PCDHA11: variants seen among roughly 807,000 people sequenced by gnomAD.
PCDHA11 encodes protocadherin alpha-11.
Under a neutral mutation model 70.3 loss-of-function variants are expected in PCDHA11, and 61 were observed. The ratio of observed to expected loss-of-function variants is 0.87; its 90% CI spans 0.71 to 1.07. The LOEUF (loss-of-function observed/expected upper bound fraction) is 1.07, where lower values mean the gene tolerates loss of function less well. PCDHA11 is among the 50% of genes least tolerant of loss of function. The probability of loss-of-function intolerance (pLI) is 0.00; values close to 1 mark genes in which losing one functional copy is unlikely to be tolerated. For missense variants in PCDHA11, 1,324 were observed against 1,237.5 expected, an observed-to-expected ratio of 1.07 and a Z score of -1.05; for synonymous variants, 633 against 555.1, an observed-to-expected ratio of 1.14 and a Z score of -1.97.
At position 140,870,490 on chromosome 5, in the gene PCDHA11, G is replaced by A. The variant is rs372818492; in HGVS notation, c.1387G>A (p.Val463Met). ...AFAQPEYTVF[V>M]KENNPPGCHI... ...CGCACAGCCCGAGTACACCGTGTTC[G>A]TGAAGGAGAACAACCCACCAGGCTG... The change falls in exon 1 of 4, where the codon GTG (valine) becomes ATG (methionine). Residue 463 changes from valine (V) to methionine (M), a missense_variant. Physicochemically the swap from Val to Met is conservative, Grantham distance 21. Coordinates refer to ENST00000398640, the MANE Select transcript of PCDHA11 (RefSeq NM_018902.5). 126 of 1,614,116 alleles carry A rather than the reference G, an allele frequency of 7.8e-5. No individual in the cohort carries two copies. Among genetic ancestry groups the A allele is most frequent in the Non-Finnish European group, 1.1e-4 (124 of 1,180,060 alleles).
chr5:141,007,158 A>C (rs1231758700), intron 3 of PCDHA11, among the ~76,000 whole-genome samples: 1 of 152,198 alleles, frequency 6.6e-6, no homozygotes, highest in African/African-American at 2.4e-5. Context: ...CTGTCAAAGA[A>C]CAGTCAGAGA....
rs782305059 is a variant in PCDHA11, at chr5:140,870,614, C to A, written c.1511C>A (p.Ser504Ter). The A allele has an allele frequency of 6.2e-7, 1 of 1,613,212 alleles. No homozygotes were observed. The highest frequency in any genetic ancestry group is 1.1e-5 in the South Asian group (1 of 91,062). Residue 504 changes from serine to a stop codon, truncating the protein, a stop_gained, in exon 1 of 4, where the codon TCG (serine) becomes TAG (stop). Coordinates refer to ENST00000398640, the MANE Select transcript of PCDHA11 (RefSeq NM_018902.5). LOFTEE classifies it high-confidence loss of function. ...VERRLGDRAL[S>*]SYVSVHAESG... ...CGGCGGTTGGGCGACCGCGCGCTGT[C>A]GAGCTACGTGTCGGTGCACGCGGAG...
Position 140,929,475 on chromosome 5 carries a change from G to A in PCDHA11, c.2392-49474G>A, listed in dbSNP as rs1554207114. ...ACTTCCTGTGCCAAGAAATCTGGAA[G>A]TATAGAAGTATTAGAAGATTGCCCT... is the stretch of plus-strand genomic sequence containing the variant. On this transcript the variant is annotated intron_variant, in intron 1 of 3. Transcript: ENST00000398640. The A allele has an allele frequency of 4.0e-6, 5 of 1,251,128 alleles. No individual in the cohort carries two copies. The Middle Eastern group carries it at 8.1e-4, about 202-fold the overall frequency. The allele number at this position is 1,251,128 out of a possible 1,614,324, so 77.5% of individuals were successfully genotyped here. A position where few individuals can be genotyped will look rare whatever the true frequency, so the allele number is the denominator to read the frequency against.
chr5:140,875,891 T>C (rs781902632), intron 1 of PCDHA11: 3 of 1,614,008 alleles, frequency 1.9e-6, no homozygotes, highest in Non-Finnish European at 2.5e-6. Context: ...GAACAAAAGG[T>C]ACCTGTTTCT....
At chr5:140,883,280 G>T (rs2059527753) in intron 1 of PCDHA11, 1 of 1,613,990 alleles carries the variant, frequency 6.2e-7, no homozygotes, top group Non-Finnish European at 8.5e-7. Flanking sequence ...TACCCTTTTG[G>T]TGGAAGTACT....
intron 3 of PCDHA11, among the ~76,000 whole-genome samples, chr5:141,000,038 C>T (rs1554257087): frequency 3.3e-5 from 5 of 152,092 alleles, no homozygotes; most frequent in Non-Finnish European, 5.9e-5. Flanking sequence ...TCCAATCACA[C>T]ACACACCACT....
At chr5:141,004,935 A>AATTTCTT (rs2098189293) in intron 3 of PCDHA11, among the ~76,000 whole-genome samples, 1 of 152,112 alleles carries the variant, frequency 6.6e-6, no homozygotes, top group African/African-American at 2.4e-5. Context: ...GAGAGAAGAA[A>AATTTCTT]ATTTCTTACC....
chr5:140,972,552 T>G (rs1247039171), intron 1 of PCDHA11, among the ~76,000 whole-genome samples: 1 of 152,160 alleles, frequency 6.6e-6, no homozygotes, highest in Admixed American at 6.5e-5. Flanking sequence ...CAGTGAGGAT[T>G]CTGAAGTAAC....
intron 1 of PCDHA11, among the ~76,000 whole-genome samples, chr5:140,950,045 A>G (rs1293026782): frequency 1.3e-5 from 2 of 151,934 alleles, no homozygotes; most frequent in Non-Finnish European, 2.9e-5. Context: ...ACAACCATAT[A>G]AGACTATTTA....
chr5:141,006,620 T>C (rs1237251555), intron 3 of PCDHA11, among the ~76,000 whole-genome samples: 3 of 152,148 alleles, frequency 2.0e-5, no homozygotes, highest in Admixed American at 6.5e-5. Context: ...ATAAGGAGAC[T>C]ATTGCTGCAA....
At position 140,966,546 on chromosome 5, in the gene PCDHA11, C is replaced by G. The variant is rs549303882; in HGVS notation, c.2392-12403C>G. The G allele has an allele frequency of 3.9e-5, 18 of 466,228 alleles. No individual in the cohort carries two copies. The Admixed American group carries it at 6.1e-4, about 16-fold the overall frequency. 28.9% of individuals were successfully genotyped at this position (466,228 alleles called of 1,614,324 possible). On this transcript the variant is annotated intron_variant, in intron 1 of 3. Coordinates refer to ENST00000398640, the MANE Select transcript of PCDHA11 (RefSeq NM_018902.5). ...CGAGCCGGGTTGAGCGACTCGGAGGCGAGCGGAGGAGCTGGAATATGGGGA... is the reference window on the plus strand; with the variant it reads ...CGAGCCGGGTTGAGCGACTCGGAGGGGAGCGGAGGAGCTGGAATATGGGGA...
rs546551059 is a variant in PCDHA11, at chr5:140,918,074, G to A, written c.2391+46580G>A. Among the ~76,000 whole-genome samples, 10 of 152,214 alleles carry A rather than the reference G, an allele frequency of 6.6e-5. No individual in the cohort carries two copies. The East Asian group carries it at 1.9e-3, about 29-fold the overall frequency. On this transcript the variant is annotated intron_variant, in intron 1 of 3. Transcript: ENST00000398640. ...TTATCATCTCTGATTTCTTTCAGTA[G>A]TGTTTTATAATTCTTTTTATAGAGA...
intron 1 of PCDHA11, among the ~76,000 whole-genome samples, chr5:140,905,993 TG>T (rs1314051308): frequency 6.6e-6 from 1 of 152,176 alleles, no homozygotes; most frequent in African/African-American, 2.4e-5. Flanking sequence ...AGATGTAGGC[TG>T]GGAGGCTAAG....
intron 1 of PCDHA11, chr5:140,969,045 C>G: frequency 1.2e-6 from 2 of 1,614,090 alleles, no homozygotes. Flanking sequence ...TACAAACAAG[C>G]CAACAACAAT....
chr5:140,882,127 C>A (rs2058964637), intron 1 of PCDHA11: 23 of 1,464,566 alleles, frequency 1.6e-5, no homozygotes, highest in Admixed American at 4.6e-5. Flanking sequence ...TTTCTTTCTT[C>A]CTGCAGAAAA....
At chr5:140,877,273 T>C (rs1324679559) in intron 1 of PCDHA11, 2 of 1,613,722 alleles carry the variant, frequency 1.2e-6, no homozygotes, top group Non-Finnish European at 1.7e-6. Context: ...GGACGCTGAC[T>C]CCGGCTATAA....
rs371830340 is a variant in PCDHA11 at position 140,947,864 on chromosome 5, C to G, written c.2392-31085C>G. Reference sequence around the variant, plus strand: ...TTTATTTATTTTGTCATTATAATGGCTAGGACTTCCAGGACAATATAAACA... The same window carrying G: ...TTTATTTATTTTGTCATTATAATGGGTAGGACTTCCAGGACAATATAAACA... On this transcript the variant is annotated intron_variant, in intron 1 of 3. Coordinates refer to ENST00000398640, the MANE Select transcript of PCDHA11 (RefSeq NM_018902.5). Among the ~76,000 whole-genome samples the G allele has an allele frequency of 1.4e-4, 21 of 151,554 alleles. No homozygotes were observed. The East Asian group carries it at 2.3e-3, about 17-fold the overall frequency.
At chr5:140,981,630 A>G (rs1299640748) in intron 2 of PCDHA11, among the ~76,000 whole-genome samples, 1 of 152,110 alleles carries the variant, frequency 6.6e-6, no homozygotes, top group East Asian at 1.9e-4. Flanking sequence ...GTTTTCTTGG[A>G]CATTTTCTCT....
chr5:140,946,974 G>A (rs1554217987), intron 1 of PCDHA11, among the ~76,000 whole-genome samples: 1 of 151,636 alleles, frequency 6.6e-6, no homozygotes, highest in African/African-American at 2.4e-5. Context: ...TTATAGAATA[G>A]AGGATTTTGA....
Sources: allele counts gnomAD v4.1 joint callset (sites outside exome capture counted in the v4.1 genomes callset), GRCh38; gene constraint gnomAD v4.1.1; transcripts MANE v1.5; gene names NCBI Gene and HGNC (gene_info 2026-07-23, HGNC 2026-07-21).